HIRA: variants seen among roughly 807,000 people sequenced by gnomAD.
The protein encoded by HIRA is histone cell cycle regulator, also known as protein HIRA.
In HIRA, 13 loss-of-function variants were observed where a neutral mutation model predicts 126.6. The observed-to-expected ratio is 0.10, with a 90% CI of 0.07 to 0.16. The LOEUF (loss-of-function observed/expected upper bound fraction) is 0.16, where lower values mean the gene tolerates loss of function less well. Ranked by LOEUF, HIRA falls within the 10% of genes least tolerant of loss-of-function variation. The probability of loss-of-function intolerance (pLI) is 1.00; values close to 1 mark genes in which losing one functional copy is unlikely to be tolerated. For synonymous variants in HIRA, 511 were observed against 520.0 expected (o/e 0.98, Z 0.24); for missense variants, 834 against 1,314.4 (o/e 0.63, Z 5.65).
intron 21 of HIRA, 85 bp downstream of exon 21, chr22:19,355,675 C>A: frequency 1.1e-6 from 1 of 943,606 alleles, no homozygotes; most frequent in East Asian, 2.5e-5. Context: ...GGCTAGGCAG[C>A]CCTGTAGGCC....
rs1344289717 is a variant in HIRA at position 19,396,812 on chromosome 22, G to A, written c.629C>T (p.Thr210Ile). ...CTCATCAAAAGGCTTGGTGATGCTG[G>A]TCTCCAACTGCCAGTCCAGCGTCCT... is the stretch of plus-strand genomic sequence containing the variant. ...VWRTLDWQLE[T>I]SITKPFDECG... The change falls in exon 7 of 25, where the codon ACC (threonine) becomes ATC (isoleucine). Residue 210 changes from threonine to isoleucine, a missense_variant. Physicochemically the swap from Thr to Ile is moderately conservative, Grantham distance 89 (BLOSUM62 -1). Transcript: ENST00000263208. The A allele has an allele frequency of 6.2e-7, 1 of 1,614,142 alleles. No individual in the cohort carries two copies.
At position 19,375,643 on chromosome 22, in the gene HIRA, G is replaced by C; in HGVS notation, c.1763C>G (p.Thr588Arg). The C allele has an allele frequency of 6.2e-7, 1 of 1,614,112 alleles. No individual in the cohort carries two copies. Among genetic ancestry groups the C allele is most frequent in the Non-Finnish European group, 8.5e-7 (1 of 1,179,974 alleles). Residue 588 changes from threonine to arginine, a missense_variant, in exon 15 of 25, where the codon ACA becomes AGA. By Grantham distance (71) the Thr-to-Arg change is moderately conservative (BLOSUM62 -1). Coordinates refer to ENST00000263208, the MANE Select transcript of HIRA (RefSeq NM_003325.4). ...AGCTACCACCTACCTTTCCACAGCT[G>C]TCGGAGTCATGCTGGTCAGGGCAGG... ...GAPALTSMTP[T>R]AVERLKEQNL...
chr22:19,431,500 G>T lies in HIRA; in HGVS notation c.-24C>A, dbSNP rs1481046674. ...ATTGTTCGGCCGCCGCCGCCGCCGG[G>T]CTGAGGCGAGCGCCGGGTCCCTCAG... On this transcript the variant is annotated 5_prime_UTR_variant, in exon 1 of 25. Transcript: ENST00000263208. The T allele has an allele frequency of 3.2e-6, 5 of 1,563,432 alleles. No individual in the cohort carries two copies. The highest frequency in any genetic ancestry group is 2.4e-5 in the East Asian group (1 of 42,406).
At chr22:19,384,689 C>A (rs1011228311) in intron 12 of HIRA, among the ~76,000 whole-genome samples, 1 of 151,596 alleles carries the variant, frequency 6.6e-6, no homozygotes, top group Non-Finnish European at 1.5e-5. Flanking sequence ...GAATCTCACT[C>A]TGTCTCCCAG....
intron 6 of HIRA, among the ~76,000 whole-genome samples, chr22:19,397,286 A>G (rs548551608): frequency 6.6e-6 from 1 of 152,298 alleles, no homozygotes; most frequent in South Asian, 2.1e-4. Context: ...GAGGAGGCCT[A>G]CTAGCTCAAA....
intron 24 of HIRA, among the ~76,000 whole-genome samples, chr22:19,337,795 C>A (rs550471886): frequency 6.6e-6 from 1 of 151,662 alleles, no homozygotes; most frequent in African/African-American, 2.4e-5. Flanking sequence ...GAAAGCCTAT[C>A]GGATTTTTTT....
Position 19,354,006 on chromosome 22 carries a change from GGCCCT to G in HIRA, c.2669_2673del (p.Gln890ProfsTer61). ...ATTCAGGTCACGTACTTGGAGGTGCGGCCCTGGATTATGGCTAACGGTCCTGAGCA... is the reference window on the plus strand; with the variant it reads ...ATTCAGGTCACGTACTTGGAGGTGCGGGATTATGGCTAACGGTCCTGAGCA... On this transcript the variant is annotated frameshift_variant, in exon 22 of 25. Transcript: ENST00000263208. LOFTEE classifies it high-confidence loss of function. The G allele has an allele frequency of 6.2e-7, 1 of 1,613,244 alleles. No homozygotes were observed. The highest frequency in any genetic ancestry group is 8.5e-7 in the Non-Finnish European group (1 of 1,179,698).
intron 4 of HIRA, 112 bp downstream of exon 4, chr22:19,407,072 T>TGA: frequency 1.2e-6 from 1 of 828,952 alleles, no homozygotes; most frequent in Non-Finnish European, 2.0e-6. Flanking sequence ...CCACTACTTA[T>TGA]GAGGTCAGGG....
intron 1 of HIRA, among the ~76,000 whole-genome samples, chr22:19,411,774 A>C (rs138358091): frequency 0.015 from 2,346 of 152,230 alleles, 33 homozygotes; most frequent in Middle Eastern, 0.031. Flanking sequence ...CAATGTGGAC[A>C]CAGTACCAGA....
chr22:19,367,600 C>T (rs2088926123), intron 15 of HIRA, among the ~76,000 whole-genome samples: 1 of 152,196 alleles, frequency 6.6e-6, no homozygotes. Flanking sequence ...TTCCTGACCT[C>T]AGGTGATCTG....
intron 24 of HIRA, among the ~76,000 whole-genome samples, chr22:19,347,024 A>G (rs2088694695): frequency 6.6e-6 from 1 of 152,192 alleles, no homozygotes; most frequent in Non-Finnish European, 1.5e-5. Flanking sequence ...TTTCAGGCTG[A>G]GAAAGAGAAC....
chr22:19,382,039 T>C (rs1429645809), intron 13 of HIRA, among the ~76,000 whole-genome samples: 2 of 152,262 alleles, frequency 1.3e-5, no homozygotes, highest in East Asian at 1.9e-4. Context: ...GTCTCTCATC[T>C]TTTTGATTTG....
At chr22:19,358,116 T>C (rs529066819) in intron 18 of HIRA, among the ~76,000 whole-genome samples, 4 of 152,158 alleles carry the variant, frequency 2.6e-5, no homozygotes, top group Admixed American at 2.6e-4. Context: ...TCTCCTACCT[T>C]AGCCTCCCGA....
chr22:19,352,324 C>T (rs1601810299), intron 23 of HIRA, among the ~76,000 whole-genome samples: 1 of 151,906 alleles, frequency 6.6e-6, no homozygotes, highest in African/African-American at 2.4e-5. Flanking sequence ...TGAAGCAAAC[C>T]AGAGTGGAGT....
chr22:19,383,560 G>T, intron 13 of HIRA, 60 bp downstream of exon 13: 1 of 1,346,206 alleles, frequency 7.4e-7, no homozygotes, highest in Non-Finnish European at 1.1e-6. Flanking sequence ...AGTGTTAACC[G>T]CTGAAAGAAG....
intron 11 of HIRA, 136 bp downstream of exon 11, chr22:19,387,575 G>T: frequency 1.6e-6 from 1 of 609,386 alleles, no homozygotes; most frequent in Non-Finnish European, 2.9e-6. Flanking sequence ...AGATATAAAA[G>T]ATGAATACCC....
chr22:19,349,768 C>A (rs1016515617), intron 24 of HIRA, among the ~76,000 whole-genome samples: 2 of 152,210 alleles, frequency 1.3e-5, no homozygotes, highest in Admixed American at 6.5e-5. Context: ...TCTGTACACA[C>A]CAAGGCCTGT....
At position 19,354,019 on chromosome 22, in the gene HIRA, G is replaced by A; in HGVS notation, c.2661C>T (p.Ala887=). The change falls in exon 22 of 25, where the codon GCC becomes GCT. Residue 887 remains alanine (A), a synonymous_variant. Transcript: ENST00000263208. ...ACTTGGAGGTGCGGCCCTGGATTATGGCTAACGGTCCTGAGCACAGCATGG... is the reference window on the plus strand; with the variant it reads ...ACTTGGAGGTGCGGCCCTGGATTATAGCTAACGGTCCTGAGCACAGCATGG... ...QDAMLCSGPL[A]IIQGRTSNSG... 6.2e-7 allele frequency: 1 copy of A among 1,613,438 alleles called. No homozygotes were observed. Among genetic ancestry groups the A allele is most frequent in the Non-Finnish European group, 8.5e-7 (1 of 1,179,800 alleles).
chr22:19,360,766 T>G (rs2088855971), intron 17 of HIRA, among the ~76,000 whole-genome samples: 2 of 152,250 alleles, frequency 1.3e-5, no homozygotes, highest in African/African-American at 4.8e-5. Context: ...GATAACCACA[T>G]GCTTACAAGC....
Sources: allele counts gnomAD v4.1 joint callset (sites outside exome capture counted in the v4.1 genomes callset), GRCh38; gene constraint gnomAD v4.1.1; transcripts MANE v1.5; gene names NCBI Gene and HGNC (gene_info 2026-07-23, HGNC 2026-07-21).